The following ARFGEF2 variants were observed in gnomAD, a reference collection of about 807,000 sequenced individuals.
ARFGEF2 encodes the protein brefeldin A-inhibited guanine nucleotide-exchange protein 2.
Under a neutral mutation model 219.9 loss-of-function variants are expected in ARFGEF2, and 74 were observed. The observed-to-expected ratio is 0.34, with a 90% CI of 0.28 to 0.41. ARFGEF2 has a LOEUF of 0.41. Among genes scored for constraint, ARFGEF2 ranks in the 10% least tolerant of loss-of-function variants. The pLI is 1.00. For missense variants in ARFGEF2, 1,743 were observed against 2,218.3 expected, an observed-to-expected ratio of 0.79 and a Z score of 4.30; for synonymous variants, 733 against 799.2, an observed-to-expected ratio of 0.92 and a Z score of 1.40.
At chr20:48,963,278 A>G (rs999335425) in intron 6 of ARFGEF2, among the ~76,000 whole-genome samples, 13 of 152,086 alleles carry the variant, frequency 8.5e-5, no homozygotes, top group Non-Finnish European at 8.8e-5. Flanking sequence ...GGGGGGAGTA[A>G]GAGATACTGA....
At chr20:48,925,891 A>G (rs921467274) in intron 1 of ARFGEF2, among the ~76,000 whole-genome samples, 6 of 152,212 alleles carry the variant, frequency 3.9e-5, no homozygotes, top group African/African-American at 1.4e-4. Flanking sequence ...CATTATTCTC[A>G]GCCATTATCA....
intron 7 of ARFGEF2, 62 bp from the exon 8 acceptor site, chr20:48,965,810 A>G: frequency 6.2e-7 from 1 of 1,600,432 alleles, no homozygotes; most frequent in Non-Finnish European, 8.6e-7. Context: ...TTTTGGTGTC[A>G]GGCAGCCCTT....
intron 8 of ARFGEF2, 54 bp from the exon 9 acceptor site, chr20:48,969,093 T>A (rs1423391084): frequency 7.5e-6 from 12 of 1,596,114 alleles, no homozygotes; most frequent in Non-Finnish European, 1.0e-5. Context: ...CTGGAGTAGC[T>A]GGGACTACAG....
intron 10 of ARFGEF2, 90 bp downstream of exon 10, chr20:48,971,444 T>C (rs1011701377): frequency 2.2e-5 from 23 of 1,057,078 alleles, no homozygotes; most frequent in Non-Finnish European, 2.8e-6. Flanking sequence ...CTGCTAATAT[T>C]ACACTAAGCA....
rs3764684 is a variant in ARFGEF2, at chr20:48,968,995, A to G, written c.1060-152A>G. ...TTATTTTTTGAGATACGGTCTCACT[A>G]TGTTCCCCAGATTGGAGTGCAATGG... On this transcript the variant is annotated intron_variant, in intron 8 of 38. Coordinates refer to ENST00000371917, the MANE Select transcript of ARFGEF2 (RefSeq NM_006420.3). The G allele has an allele frequency of 0.28, 204,492 of 727,106 alleles. 31,134 individuals are homozygous for G. The highest frequency in any genetic ancestry group is 0.45 in the East Asian group (16,400 of 36,398). The allele number at this position is 727,106 out of a possible 1,614,324, so 45.0% of individuals were successfully genotyped here.
intron 9 of ARFGEF2, among the ~76,000 whole-genome samples, 167 bp downstream of exon 9, chr20:48,969,444 C>T (rs1568712176): frequency 6.6e-6 from 1 of 152,234 alleles, no homozygotes; most frequent in Non-Finnish European, 1.5e-5. Context: ...TCTCTAGAGT[C>T]CTTTCATATG....
At chr20:48,924,425 T>C (rs2090863176) in intron 1 of ARFGEF2, among the ~76,000 whole-genome samples, 1 of 142,434 alleles carries the variant, frequency 7.0e-6, no homozygotes. Flanking sequence ...GGCAGGAGAA[T>C]GGCGTGAACC....
At chr20:48,990,401 T>C (rs1004470895) in intron 20 of ARFGEF2, among the ~76,000 whole-genome samples, 3 of 152,210 alleles carry the variant, frequency 2.0e-5, no homozygotes, top group African/African-American at 7.2e-5. Flanking sequence ...CCTTTGAAAC[T>C]TGAAAAGTTC....
Position 48,922,009 on chromosome 20 carries a change from C to G in ARFGEF2, c.120C>G (p.Leu40=), listed in dbSNP as rs1368417576. The G allele has an allele frequency of 1.3e-6, 2 of 1,577,206 alleles. No homozygotes were observed. The highest frequency in any genetic ancestry group is 1.8e-5 in the Admixed American group (1 of 54,728). ...SQLRRACQVA[L]DEIKAEIEKQ... Reference sequence around the variant, plus strand: ...TGCGCAGGGCCTGCCAGGTGGCGCTCGGTGGGTGAGCCGCTCCCGCCCTGC... The same window carrying G: ...TGCGCAGGGCCTGCCAGGTGGCGCTGGGTGGGTGAGCCGCTCCCGCCCTGC... Residue 40 remains leucine, a splice_region_variant and synonymous_variant, in exon 1 of 39, where the codon CTC becomes CTG. Transcript: ENST00000371917.
intron 1 of ARFGEF2, among the ~76,000 whole-genome samples, chr20:48,923,562 C>G (rs1346659617): frequency 3.3e-5 from 5 of 152,186 alleles, no homozygotes; most frequent in Non-Finnish European, 7.3e-5. Context: ...TAAAGCTTTT[C>G]TCTTCCAATA....
At chr20:48,976,314 C>T in intron 14 of ARFGEF2, 115 bp downstream of exon 14, 1 of 1,309,266 alleles carries the variant, frequency 7.6e-7, no homozygotes, top group Non-Finnish European at 1.1e-6. Flanking sequence ...GGTGCTGGCA[C>T]TTGTAGCTAA....
intron 3 of ARFGEF2, among the ~76,000 whole-genome samples, chr20:48,950,447 T>C (rs2123345059): frequency 6.6e-6 from 1 of 152,188 alleles, no homozygotes; most frequent in Non-Finnish European, 1.5e-5. Context: ...TATATATATA[T>C]AATTTTAACA....
intron 28 of ARFGEF2, 51 bp from the exon 29 acceptor site, chr20:49,013,513 C>G (rs765367675): frequency 1.9e-6 from 3 of 1,612,902 alleles, no homozygotes; most frequent in South Asian, 2.2e-5. Flanking sequence ...CCTTTCAGTT[C>G]CTTCCTTTTG....
chr20:49,023,058 A>G lies in ARFGEF2; in HGVS notation c.4632A>G (p.Lys1544=). 1 of 1,614,186 alleles carries G rather than the reference A, an allele frequency of 6.2e-7. No homozygotes were observed. Among genetic ancestry groups the G allele is most frequent in the Non-Finnish European group, 8.5e-7 (1 of 1,180,020 alleles). Residue 1544 remains lysine, a synonymous_variant, in exon 35 of 39, where the codon AAA becomes AAG. Coordinates refer to ENST00000371917, the MANE Select transcript of ARFGEF2 (RefSeq NM_006420.3). The part of the protein sequence containing the change: ...SWKGRPYANQ[K]LFASLLIKCV... Reference sequence around the variant, plus strand: ...CTTTATCATCTAACATAGATCAGAAACTGTTTGCCAGCCTCCTCATCAAGT... The same window carrying G: ...CTTTATCATCTAACATAGATCAGAAGCTGTTTGCCAGCCTCCTCATCAAGT...
chr20:48,941,757 A>G (rs1207952106), intron 2 of ARFGEF2, 107 bp from the exon 3 acceptor site: 4 of 1,521,152 alleles, frequency 2.6e-6, no homozygotes, highest in Admixed American at 1.7e-5. Flanking sequence ...GCCCCAGGAT[A>G]TAGTTTGCAG....
intron 6 of ARFGEF2, among the ~76,000 whole-genome samples, chr20:48,954,415 T>C (rs1164753755): frequency 6.6e-6 from 1 of 152,216 alleles, no homozygotes; most frequent in Non-Finnish European, 1.5e-5. Flanking sequence ...TGTTCATATC[T>C]CTCCCTGGGC....
chr20:48,979,102 G>T (rs2091279795), intron 14 of ARFGEF2, among the ~76,000 whole-genome samples: 2 of 152,258 alleles, frequency 1.3e-5, no homozygotes, highest in Admixed American at 6.5e-5. Context: ...ATGATAATTG[G>T]CTGTGGGTTT....
At chr20:48,977,148 C>A (rs2091267308) in intron 14 of ARFGEF2, among the ~76,000 whole-genome samples, 1 of 148,798 alleles carries the variant, frequency 6.7e-6, no homozygotes, top group South Asian at 2.1e-4. Flanking sequence ...CCATAGCAGG[C>A]CCCCCTGTGT....
At chr20:48,971,411 TATA>T (rs2091227023) in intron 10 of ARFGEF2, 57 bp downstream of exon 10, 1 of 1,261,908 alleles carries the variant, frequency 7.9e-7, no homozygotes, top group Admixed American at 1.9e-5. Context: ...AGTCATTAAT[TATA>T]ATACTCAATA....
Sources: allele counts gnomAD v4.1 joint callset (sites outside exome capture counted in the v4.1 genomes callset), GRCh38; gene constraint gnomAD v4.1.1; transcripts MANE v1.5; gene names NCBI Gene and HGNC (gene_info 2026-07-23, HGNC 2026-07-21).